The following TIAM2 variants were observed in gnomAD, a reference collection of about 807,000 sequenced individuals.
TIAM2 encodes the protein TIAM Rac1 associated GEF 2, also known as rho guanine nucleotide exchange factor TIAM2.
TIAM2 carries 80 observed loss-of-function variants against 152.9 expected under a neutral mutation model. The ratio of observed to expected loss-of-function variants is 0.52; its 90% CI spans 0.44 to 0.63. The LOEUF (loss-of-function observed/expected upper bound fraction) is 0.63, where lower values mean the gene tolerates loss of function less well. TIAM2 is among the 30% of genes least tolerant of loss of function. TIAM2 has a pLI of 0.00. For missense variants in TIAM2, 1,965 were observed against 2,120.1 expected, an observed-to-expected ratio of 0.93 and a Z score of 1.44; for synonymous variants, 804 against 838.0, an observed-to-expected ratio of 0.96 and a Z score of 0.70.
rs374257130 is a variant in TIAM2, at chr6:155,211,214, C to T, written c.3075C>T (p.Asn1025=). The T allele has an allele frequency of 6.3e-5, 101 of 1,612,966 alleles. No homozygotes were observed. Among genetic ancestry groups the T allele is most frequent in the African/African-American group, 1.9e-4 (14 of 74,884 alleles). ...TCATTTTTTATGCAGATTTCAGCAA[C>T]GTCCCTGATATCACAACAGGTCTGA... The part of the protein sequence containing the change: ...FKKNTANDFS[N]VPDITTGLKR... Residue 1025 remains asparagine (N), a synonymous_variant, in exon 15 of 27, where the codon AAC becomes AAT. Coordinates refer to ENST00000682666, the MANE Select transcript of TIAM2 (RefSeq NM_012454.4).
chr6:155,048,572 G>A (rs1777254360), intron 1 of TIAM2, among the ~76,000 whole-genome samples: 1 of 152,116 alleles, frequency 6.6e-6, no homozygotes, highest in Non-Finnish European at 1.5e-5. Flanking sequence ...GGTCAGGGGT[G>A]TCCTGGGATA....
At chr6:155,028,477 CATATACTACATATATATACTGTGTTACAT>C (rs1562294343) in intron 1 of TIAM2, among the ~76,000 whole-genome samples, 5 of 120,636 alleles carry the variant, frequency 4.1e-5, no homozygotes, top group Non-Finnish European at 6.8e-5. Context: ...TACTGTGTTA[CATATACTACATATATATACTGTGTTACAT>C]ATATACTACA....
At chr6:155,151,989 C>T (rs796280144) in intron 7 of TIAM2, among the ~76,000 whole-genome samples, 8 of 151,730 alleles carry the variant, frequency 5.3e-5, no homozygotes, top group East Asian at 1.9e-4. Context: ...GGATTACAGG[C>T]GCCCGCCACC....
At chr6:155,216,998 T>G in intron 15 of TIAM2, 1 of 1,264,824 alleles carries the variant, frequency 7.9e-7, no homozygotes, top group Non-Finnish European at 1.0e-6. Context: ...AGACAACGTG[T>G]GTCTTACACA....
At chr6:155,246,370 T>TA (rs773584576) in intron 19 of TIAM2, among the ~76,000 whole-genome samples, 3 of 152,264 alleles carry the variant, frequency 2.0e-5, no homozygotes, top group Non-Finnish European at 4.4e-5. Context: ...AGTGGGGTCT[T>TA]AGAGTGCTTC....
intron 1 of TIAM2, among the ~76,000 whole-genome samples, chr6:155,003,491 G>T (rs1468655393): frequency 6.6e-6 from 1 of 152,074 alleles, no homozygotes; most frequent in Non-Finnish European, 1.5e-5. Context: ...AAAAAGAAAA[G>T]AAATTACTTG....
intron 4 of TIAM2, among the ~76,000 whole-genome samples, chr6:155,135,484 C>T (rs1024706617): frequency 1.3e-5 from 2 of 152,146 alleles, no homozygotes; most frequent in Non-Finnish European, 2.9e-5. Context: ...TTCATTTAAG[C>T]CATAAATGTT....
Position 155,182,298 on chromosome 6 carries a change from A to G in TIAM2, c.2780A>G (p.Asp927Gly), listed in dbSNP as rs763214178. 1 of 1,614,132 alleles carries G rather than the reference A, an allele frequency of 6.2e-7. No individual in the cohort carries two copies. The highest frequency in any genetic ancestry group is 2.2e-5 in the East Asian group (1 of 44,884). ...SRIFISDVLPDGLAYGEGLRK... is the reference protein window; with the variant it reads ...SRIFISDVLPGGLAYGEGLRK... ...ATATTTATAAGCGACGTTCTTCCCG[A>G]TGGCCTGGCGTATGGGGAAGGTCCG... The change falls in exon 13 of 27, where the codon GAT becomes GGT. Residue 927 changes from aspartate (D) to glycine (G), a missense_variant. Physicochemically the swap from Asp to Gly is moderately conservative, Grantham distance 94. Coordinates refer to ENST00000682666, the MANE Select transcript of TIAM2 (RefSeq NM_012454.4).
chr6:155,076,486 T>C (rs1040898089), intron 1 of TIAM2, among the ~76,000 whole-genome samples: 2 of 152,172 alleles, frequency 1.3e-5, no homozygotes, highest in Admixed American at 6.5e-5. Context: ...TCTGCAATTA[T>C]GGCTTAGGGG....
intron 4 of TIAM2, among the ~76,000 whole-genome samples, chr6:155,133,393 T>A (rs1189092991): frequency 1.3e-5 from 2 of 152,136 alleles, no homozygotes; most frequent in East Asian, 3.9e-4. Context: ...AAAAACTGGT[T>A]AGAATCAAGG....
At chr6:155,123,136 A>G (rs751419450) in intron 2 of TIAM2, among the ~76,000 whole-genome samples, 1 of 152,076 alleles carries the variant, frequency 6.6e-6, no homozygotes, top group South Asian at 2.1e-4. Context: ...TCCTGTCAAT[A>G]AATTTCTCAT....
chr6:155,028,496 C>CTT (rs1776687082), intron 1 of TIAM2, among the ~76,000 whole-genome samples: 1 of 113,314 alleles, frequency 8.8e-6, no homozygotes, highest in Non-Finnish European at 1.9e-5. Context: ...CATATATATA[C>CTT]TGTGTTACAT....
intron 7 of TIAM2, among the ~76,000 whole-genome samples, chr6:155,148,666 A>G (rs1230861340): frequency 4.6e-5 from 7 of 152,236 alleles, no homozygotes; most frequent in Non-Finnish European, 7.3e-5. Context: ...AATCCATACA[A>G]TAAAACCACT....
chr6:155,253,039 T>G lies in TIAM2; in HGVS notation c.4211T>G (p.Leu1404Arg). 2.5e-6 allele frequency: 4 copies of G among 1,614,062 alleles called. No homozygotes were observed. Among genetic ancestry groups the G allele is most frequent in the Non-Finnish European group, 3.4e-6 (4 of 1,179,926 alleles). Reference protein sequence around the residue: ...LIPISALQVRLGNPAGTENNS... With the variant: ...LIPISALQVRRGNPAGTENNS... ...CCCATCTCCGCGCTTCAAGTCAGAC[T>G]GGGGAATCCAGCAGGTAACTGTTTC... is the stretch of plus-strand genomic sequence containing the variant. Residue 1404 changes from leucine to arginine, a missense_variant, in exon 24 of 27, where the codon CTG becomes CGG. By Grantham distance (102) the Leu-to-Arg change is moderately radical (BLOSUM62 -2). Coordinates refer to ENST00000682666, the MANE Select transcript of TIAM2 (RefSeq NM_012454.4).
rs563495330 is a variant in TIAM2 at position 155,181,467 on chromosome 6, G to T, written c.2708-759G>T. 5.3e-5 allele frequency among the ~76,000 whole-genome samples: 8 copies of T among 152,158 alleles called. No individual in the cohort carries two copies. In the East Asian group the frequency reaches 1.5e-3, roughly 29 times the overall value. On this transcript the variant is annotated intron_variant, in intron 12 of 26. Coordinates refer to ENST00000682666, the MANE Select transcript of TIAM2 (RefSeq NM_012454.4). The stretch of plus-strand genomic sequence containing the variant: ...AAATTTGCCTAAATTTTTAATTGTG[G>T]TAATAGACATATAACATAAAATTTA...
At position 155,156,486 on chromosome 6, in the gene TIAM2, C is replaced by G. The variant is rs919172365; in HGVS notation, c.2029-7929C>G. 2.6e-5 allele frequency among the ~76,000 whole-genome samples: 4 copies of G among 152,130 alleles called. No homozygotes were observed. The South Asian group carries it at 8.3e-4, about 32-fold the overall frequency. The stretch of plus-strand genomic sequence containing the variant: ...CCTGGCCAATGTGGTGAAACCCCGT[C>G]TCTACTAAAAATACAAAAATAATTA... On this transcript the variant is annotated intron_variant, in intron 7 of 26. Transcript: ENST00000682666. The surrounding 1 kb of genome is among the most constrained non-coding windows in gnomAD (Gnocchi z 4.4).
intron 14 of TIAM2, among the ~76,000 whole-genome samples, chr6:155,199,274 C>A (rs939848924): frequency 1.2e-4 from 18 of 152,098 alleles, no homozygotes; most frequent in Non-Finnish European, 4.4e-5. Flanking sequence ...GACAGGGTTT[C>A]ACCATGTTGG....
At chr6:155,079,830 C>T (rs1176815449) in intron 1 of TIAM2, among the ~76,000 whole-genome samples, 6 of 152,182 alleles carry the variant, frequency 3.9e-5, no homozygotes, top group African/African-American at 1.4e-4. Context: ...TGTCTGTAAT[C>T]CCAGCTTCTC....
At chr6:155,240,779 C>A (rs376938005) in intron 16 of TIAM2, 70 bp downstream of exon 16, 1 of 1,491,190 alleles carries the variant, frequency 6.7e-7, no homozygotes, top group Non-Finnish European at 9.0e-7. Flanking sequence ...TGGCAGAGGT[C>A]CCCAGATCAC....
Sources: allele counts gnomAD v4.1 joint callset (sites outside exome capture counted in the v4.1 genomes callset), GRCh38; gene constraint gnomAD v4.1.1; non-coding constraint Gnocchi (gnomAD v3.1); transcripts MANE v1.5; gene names NCBI Gene and HGNC (gene_info 2026-07-23, HGNC 2026-07-21).